Variants in TPD52L1 observed in about 807,000 individuals in gnomAD.
The protein encoded by TPD52L1 is tumor protein D53.
A neutral mutation model predicts 28.7 loss-of-function variants in TPD52L1; 18 were observed. The observed-to-expected ratio is 0.63, with a 90% CI of 0.43 to 0.93. TPD52L1 has a LOEUF of 0.93. Among genes scored for constraint, TPD52L1 ranks in the 40% least tolerant of loss-of-function variants. The pLI is 0.00. For missense variants in TPD52L1, 203 were observed against 254.8 expected, an observed-to-expected ratio of 0.80 and a Z score of 1.39; for synonymous variants, 75 against 88.8, an observed-to-expected ratio of 0.84 and a Z score of 0.88.
At position 125,172,528 on chromosome 6, in the gene TPD52L1, A is replaced by AT. The variant is rs1554202614; in HGVS notation, c.19+18559dup. On this transcript the variant is annotated intron_variant, in intron 1 of 6. Transcript: ENST00000534000. Reference sequence around the variant, plus strand: ...TCTTTCATGCTATATATATATATATATATATATATATATATATATATATAA... The same window carrying AT: ...TCTTTCATGCTATATATATATATATATTATATATATATATATATATATATAA... Among the ~76,000 whole-genome samples, 9 of 83,442 alleles carry AT rather than the reference A, an allele frequency of 1.1e-4. 1 individual carries two copies. In the South Asian group the frequency reaches 1.5e-3, roughly 14 times the overall value. 54.7% of individuals were successfully genotyped at this position (83,442 alleles called of 152,430 possible). A position where few individuals can be genotyped will look rare whatever the true frequency, so the allele number is the denominator to read the frequency against.
intron 1 of TPD52L1, among the ~76,000 whole-genome samples, chr6:125,159,971 T>C (rs775558484): frequency 9.9e-5 from 15 of 152,174 alleles, no homozygotes; most frequent in Admixed American, 1.3e-4. Context: ...GTTCTCATGA[T>C]AGCAAGTCTC....
Position 125,180,567 on chromosome 6 carries a change from T to TACAC in TPD52L1, c.19+26598_19+26599insCACA, listed in dbSNP as rs201759232. 4.3e-3 allele frequency among the ~76,000 whole-genome samples: 629 copies of TACAC among 146,860 alleles called. 3 individuals are homozygous for TACAC. The highest frequency in any genetic ancestry group is 0.013 in the African/African-American group (507 of 39,396). The stretch of plus-strand genomic sequence containing the variant: ...CATACACACACACACATATATTATA[T>TACAC]ATACACACACACACACACACACACA... On this transcript the variant is annotated intron_variant, in intron 1 of 6. Coordinates refer to ENST00000534000, the MANE Select transcript of TPD52L1 (RefSeq NM_003287.4).
intron 1 of TPD52L1, among the ~76,000 whole-genome samples, chr6:125,163,582 T>TA (rs749871847): frequency 0.03 from 3,748 of 123,262 alleles, 77 homozygotes; most frequent in African/African-American, 0.066. Context: ...ACACCCTGTC[T>TA]AAAAAAAAAA....
chr6:125,228,780 GA>G (rs1341196348), intron 2 of TPD52L1, among the ~76,000 whole-genome samples: 54 of 152,272 alleles, frequency 3.5e-4, no homozygotes, highest in Admixed American at 1.4e-3. Context: ...ACAACTTATA[GA>G]AAGAACATTT....
chr6:125,171,663 T>A (rs183090519), intron 1 of TPD52L1, among the ~76,000 whole-genome samples: 87 of 152,228 alleles, frequency 5.7e-4, no homozygotes, highest in African/African-American at 2.0e-3. Flanking sequence ...GAAAGTGAGT[T>A]CTGCCAACAG....
chr6:125,178,825 G>A (rs921344390), intron 1 of TPD52L1, among the ~76,000 whole-genome samples: 7 of 152,168 alleles, frequency 4.6e-5, no homozygotes, highest in African/African-American at 1.2e-4. Flanking sequence ...CTTCCCAATA[G>A]AGAGGTGTTA....
intron 1 of TPD52L1, among the ~76,000 whole-genome samples, chr6:125,192,641 G>A (rs976819318): frequency 4.6e-5 from 7 of 152,110 alleles, no homozygotes; most frequent in Non-Finnish European, 1.0e-4. Context: ...TCCAACTAGG[G>A]CTGAGCCCGC....
At chr6:125,261,286 G>A (rs528703710) in intron 6 of TPD52L1, 4 of 152,068 alleles carry the variant, frequency 2.6e-5, no homozygotes, top group African/African-American at 7.2e-5. Context: ...CAATTAGAGC[G>A]AAGTGTGTTT....
At chr6:125,160,830 C>T in intron 1 of TPD52L1, among the ~76,000 whole-genome samples, 1 of 148,222 alleles carries the variant, frequency 6.7e-6, no homozygotes, top group African/African-American at 2.5e-5. Context: ...TCACCTTGCA[C>T]TTTTATGTTA....
At chr6:125,253,855 A>G (rs778948508) in intron 5 of TPD52L1, 100 bp downstream of exon 5, 4 of 1,137,334 alleles carry the variant, frequency 3.5e-6, no homozygotes, top group Non-Finnish European at 2.7e-6. Context: ...TTTATGTGAA[A>G]GGAAATTGCT....
intron 1 of TPD52L1, chr6:125,203,564 C>T (rs990893159): frequency 2.2e-6 from 2 of 899,492 alleles, no homozygotes; most frequent in Admixed American, 6.2e-5. Flanking sequence ...TACATCTTCT[C>T]ATTGAAAGTA....
intron 2 of TPD52L1, among the ~76,000 whole-genome samples, chr6:125,228,510 C>G (rs566457413): frequency 6.6e-6 from 1 of 152,322 alleles, no homozygotes; most frequent in East Asian, 1.9e-4. Context: ...CAATTCCATT[C>G]CTGCACCTAT....
At chr6:125,200,166 C>T (rs548402924) in intron 1 of TPD52L1, among the ~76,000 whole-genome samples, 1 of 152,288 alleles carries the variant, frequency 6.6e-6, no homozygotes, top group African/African-American at 2.4e-5. Flanking sequence ...ACATAGGCCT[C>T]TTCCTGCTTT....
At chr6:125,234,321 C>A (rs1019708935) in intron 3 of TPD52L1, 13 of 152,196 alleles carry the variant, frequency 8.5e-5, no homozygotes, top group African/African-American at 2.9e-4. Flanking sequence ...TTAGAACACA[C>A]AAGGGCAAAT....
intron 1 of TPD52L1, among the ~76,000 whole-genome samples, chr6:125,164,781 G>A (rs755479586): frequency 8.6e-5 from 13 of 151,976 alleles, no homozygotes; most frequent in African/African-American, 2.9e-4. Context: ...GTCCTTAAGC[G>A]ACTCTAGCCA....
chr6:125,189,734 T>G (rs1792904511), intron 1 of TPD52L1, among the ~76,000 whole-genome samples: 1 of 152,208 alleles, frequency 6.6e-6, no homozygotes. Context: ...ACTATTCTCA[T>G]TGTTATTTCC....
At chr6:125,207,898 A>G (rs1172817453) in intron 1 of TPD52L1, among the ~76,000 whole-genome samples, 1 of 152,172 alleles carries the variant, frequency 6.6e-6, no homozygotes, top group Non-Finnish European at 1.5e-5. Context: ...CCACCTGCCT[A>G]ATGTGTTTCT....
intron 6 of TPD52L1, among the ~76,000 whole-genome samples, chr6:125,259,265 G>A (rs932458385): frequency 2.0e-5 from 3 of 152,138 alleles, no homozygotes; most frequent in Non-Finnish European, 2.9e-5. Flanking sequence ...AGAAATCATA[G>A]TCATATTTAT....
At chr6:125,190,053 T>C (rs963203116) in intron 1 of TPD52L1, among the ~76,000 whole-genome samples, 3 of 152,132 alleles carry the variant, frequency 2.0e-5, no homozygotes, top group Admixed American at 6.6e-5. Context: ...CAGAAGGAAG[T>C]ATAGATATAG....
Sources: gnomAD v4.1 joint callset for allele counts (sites outside exome capture counted in the v4.1 genomes callset) on GRCh38, gnomAD v4.1.1 for gene constraint, MANE v1.5 for transcripts, NCBI Gene and HGNC (gene_info 2026-07-23, HGNC 2026-07-21) for gene names.